The following PHF24 variants were observed in gnomAD, a reference collection of about 807,000 sequenced individuals.
The protein encoded by PHF24 is PHD finger protein 24, also known as Galpha inhibitory interacting protein.
PHF24 carries 25 observed loss-of-function variants against 42.6 expected under a neutral mutation model. The observed-to-expected ratio is 0.59, with a 90% CI of 0.43 to 0.82. The LOEUF is 0.82. PHF24 is among the 40% of genes least tolerant of loss of function. The pLI is 0.00. For missense variants in PHF24, 470 were observed against 538.1 expected, an observed-to-expected ratio of 0.87 and a Z score of 1.25; for synonymous variants, 185 against 204.8, an observed-to-expected ratio of 0.90 and a Z score of 0.83.
the PHF24 span, among the ~76,000 whole-genome samples, chr9:34,701,770 G>A: frequency 1.3e-5 from 2 of 152,016 alleles, no homozygotes; most frequent in Middle Eastern, 3.2e-3. The surrounding 1 kb of genome is among the most constrained non-coding windows in gnomAD (Gnocchi z 5.8). Context: ...CCAGGCCCCC[G>A]AGCCTCGGGG....
chr9:34,668,843 C>A, the PHF24 span, among the ~76,000 whole-genome samples: 1 of 151,952 alleles, frequency 6.6e-6, no homozygotes, highest in African/African-American at 2.4e-5. Context: ...TCAAAGTCAT[C>A]CCTCTGCTCA....
At chr9:34,684,968 G>C in the PHF24 span, among the ~76,000 whole-genome samples, 1 of 152,070 alleles carries the variant, frequency 6.6e-6, no homozygotes, top group Non-Finnish European at 1.5e-5. Context: ...CATCTACCCT[G>C]ATCCTTAGAG....
chr9:34,849,268 T>C, the PHF24 span, among the ~76,000 whole-genome samples: 6 of 152,144 alleles, frequency 3.9e-5, no homozygotes, highest in Non-Finnish European at 7.3e-5. Context: ...GGACTTGCTT[T>C]ATGAATCTGG....
the PHF24 span, among the ~76,000 whole-genome samples, chr9:34,904,690 T>C: frequency 2.7e-5 from 4 of 150,618 alleles, no homozygotes; most frequent in South Asian, 2.1e-4. Flanking sequence ...GTTTTCTTTT[T>C]TGGTTATGTC....
chr9:34,696,760 C>A, the PHF24 span, among the ~76,000 whole-genome samples: 1 of 152,150 alleles, frequency 6.6e-6, no homozygotes, highest in Non-Finnish European at 1.5e-5. Context: ...CTGAATCTTC[C>A]TTGGTGGCAG....
chr9:34,809,452 G>T, the PHF24 span, among the ~76,000 whole-genome samples: 1 of 152,212 alleles, frequency 6.6e-6, no homozygotes, highest in African/African-American at 2.4e-5. This position sits in a 1 kb window ranked among gnomAD's most constrained non-coding sequence, Gnocchi z 4.1. Flanking sequence ...GAGGGATGAG[G>T]TTGCTGCAGC....
At chr9:34,696,560 T>C in the PHF24 span, among the ~76,000 whole-genome samples, 1 of 151,850 alleles carries the variant, frequency 6.6e-6, no homozygotes, top group Non-Finnish European at 1.5e-5. Flanking sequence ...ATGTTTATTG[T>C]ATGTGGCCAC....
the PHF24 span, among the ~76,000 whole-genome samples, chr9:34,692,065 G>A: frequency 6.6e-6 from 1 of 152,210 alleles, no homozygotes; most frequent in East Asian, 1.9e-4. Context: ...GGCCGATGGG[G>A]GAGGGGACAA....
At chr9:34,686,978 T>C in the PHF24 span, among the ~76,000 whole-genome samples, 1 of 151,734 alleles carries the variant, frequency 6.6e-6, no homozygotes, top group East Asian at 1.9e-4. Flanking sequence ...GTTGCTCCAA[T>C]TGCTCAGATT....
At chr9:34,977,364 TTAGG>T (rs1419988345) in intron 6 of PHF24, 121 bp downstream of exon 6, 1 of 1,311,570 alleles carries the variant, frequency 7.6e-7, no homozygotes, top group East Asian at 2.4e-5. Context: ...CTCCTGTGCA[TTAGG>T]TAGAGGATGG....
At chr9:34,919,691 T>TAC in the PHF24 span, among the ~76,000 whole-genome samples, 268 of 148,298 alleles carry the variant, frequency 1.8e-3, 4 homozygotes, top group South Asian at 0.013. Flanking sequence ...ACCCAGTAAT[T>TAC]ACACACACAC....
chr9:34,687,958 G>T, the PHF24 span, among the ~76,000 whole-genome samples: 1 of 152,194 alleles, frequency 6.6e-6, no homozygotes, highest in Non-Finnish European at 1.5e-5. Flanking sequence ...TGAATGAATG[G>T]ATGCATGGAT....
the PHF24 span, among the ~76,000 whole-genome samples, chr9:34,699,561 C>G: frequency 6.6e-6 from 1 of 152,196 alleles, no homozygotes; most frequent in African/African-American, 2.4e-5. Context: ...TGTTTCCTGC[C>G]AAGATCCTAA....
At chr9:34,955,634 G>A (rs1243867831), upstream of PHF24, among the ~76,000 whole-genome samples, 1 of 152,148 alleles carries the variant, frequency 6.6e-6, no homozygotes, top group Non-Finnish European at 1.5e-5. Context: ...CCGAGATCAA[G>A]CCACTGCACT....
At chr9:34,699,940 T>C in the PHF24 span, among the ~76,000 whole-genome samples, 1 of 152,060 alleles carries the variant, frequency 6.6e-6, no homozygotes, top group Admixed American at 6.6e-5. Context: ...ATAGGGAGTA[T>C]TGAGGGAGGG....
chr9:34,761,213 T>C, the PHF24 span, among the ~76,000 whole-genome samples: 3 of 152,204 alleles, frequency 2.0e-5, no homozygotes, highest in Admixed American at 6.5e-5. Context: ...TCTCAACTTC[T>C]GGTGTTTTTT....
the PHF24 span, among the ~76,000 whole-genome samples, chr9:34,944,702 G>T: frequency 1.3e-5 from 2 of 151,888 alleles, no homozygotes; most frequent in Non-Finnish European, 2.9e-5. Context: ...GACCTGCCTT[G>T]CCTGCTTATT....
the PHF24 span, chr9:34,724,385 G>A: frequency 1.8e-5 from 28 of 1,550,650 alleles, no homozygotes; most frequent in Non-Finnish European, 1.2e-5. Context: ...ATTAGGGGCA[G>A]GAAGAGTGTC....
At chr9:34,779,913 A>G in the PHF24 span, among the ~76,000 whole-genome samples, 1 of 152,124 alleles carries the variant, frequency 6.6e-6, no homozygotes, top group African/African-American at 2.4e-5. Flanking sequence ...TTTAGTAGAG[A>G]TGGGGTTTCA....
Sources: gnomAD v4.1 joint callset for allele counts (sites outside exome capture counted in the v4.1 genomes callset) on GRCh38, gnomAD v4.1.1 for gene constraint, Gnocchi (gnomAD v3.1) non-coding constraint, MANE v1.5 for transcripts, NCBI Gene and HGNC (gene_info 2026-07-23, HGNC 2026-07-21) for gene names.